WWC1: variants seen among roughly 807,000 people sequenced by gnomAD.
WWC1 encodes protein KIBRA.
WWC1 carries 55 observed loss-of-function variants against 138.4 expected under a neutral mutation model. The observed-to-expected ratio is 0.40, with a 90% CI of 0.32 to 0.50. The LOEUF (loss-of-function observed/expected upper bound fraction) is 0.50, where lower values mean the gene tolerates loss of function less well. Among genes scored for constraint, WWC1 ranks in the 20% least tolerant of loss-of-function variants. The pLI is 0.72. For missense variants in WWC1, 1,226 were observed against 1,420.4 expected, an observed-to-expected ratio of 0.86 and a Z score of 2.20; for synonymous variants, 524 against 564.9, an observed-to-expected ratio of 0.93 and a Z score of 1.03.
intron 15 of WWC1, among the ~76,000 whole-genome samples, chr5:168,432,718 C>A (rs1317371461): frequency 6.6e-6 from 1 of 152,088 alleles, no homozygotes; most frequent in African/African-American, 2.4e-5. Flanking sequence ...ACCAAACAGA[C>A]AAGGTGCCAG....
intron 16 of WWC1, among the ~76,000 whole-genome samples, chr5:168,442,066 C>T (rs1754821506): frequency 6.6e-6 from 1 of 152,196 alleles, no homozygotes; most frequent in South Asian, 2.1e-4. Flanking sequence ...CTTTGCCCTA[C>T]CTAATACCAC....
chr5:168,462,065 A>G (rs1474616710), intron 20 of WWC1, among the ~76,000 whole-genome samples: 2 of 132,704 alleles, frequency 1.5e-5, no homozygotes, highest in Non-Finnish European at 3.6e-5. Context: ...CAAAAAAAAA[A>G]AAGAAAGAAA....
intron 17 of WWC1, among the ~76,000 whole-genome samples, chr5:168,453,744 C>T (rs1047830901): frequency 1.3e-5 from 2 of 152,100 alleles, no homozygotes; most frequent in Non-Finnish European, 2.9e-5. Flanking sequence ...TGGGGTTTCA[C>T]CATGTTGGCC....
At chr5:168,332,786 G>C (rs967223230) in intron 1 of WWC1, among the ~76,000 whole-genome samples, 2 of 151,806 alleles carry the variant, frequency 1.3e-5, no homozygotes, top group Non-Finnish European at 2.9e-5. Context: ...TCAGCTCACT[G>C]TAACCTCTGC....
At chr5:168,407,086 C>A (rs1779856708) in intron 6 of WWC1, among the ~76,000 whole-genome samples, 1 of 152,188 alleles carries the variant, frequency 6.6e-6, no homozygotes, top group Non-Finnish European at 1.5e-5. Flanking sequence ...GCCAGCGCAC[C>A]TGGCCCCTGC....
chr5:168,421,218 C>T (rs1276711419), intron 9 of WWC1, among the ~76,000 whole-genome samples: 1 of 152,174 alleles, frequency 6.6e-6, no homozygotes, highest in Non-Finnish European at 1.5e-5. Flanking sequence ...GACACACACA[C>T]TTTTCTTAAC....
rs1329798936 is a variant in WWC1, at chr5:168,368,461, G to A, written c.120-2963G>A. On this transcript the variant is annotated intron_variant, in intron 1 of 22. Coordinates refer to ENST00000265293, the MANE Select transcript of WWC1 (RefSeq NM_015238.3). Reference sequence around the variant, plus strand: ...GAAACAGGGGAGCTGTTGGGAAGGGGACGTATCTTCTTGGTTTTCTGGGTT... The same window carrying A: ...GAAACAGGGGAGCTGTTGGGAAGGGAACGTATCTTCTTGGTTTTCTGGGTT... Among the ~76,000 whole-genome samples the A allele has an allele frequency of 3.7e-4, 57 of 152,190 alleles. 1 individual carries two copies. Among genetic ancestry groups the A allele is most frequent in the Admixed American group, 3.7e-3 (57 of 15,278 alleles).
intron 5 of WWC1, among the ~76,000 whole-genome samples, chr5:168,400,993 AAG>A (rs1003950471): frequency 1.1e-4 from 17 of 151,728 alleles, no homozygotes; most frequent in African/African-American, 2.9e-4. Flanking sequence ...CAAAGAAAGA[AAG>A]AAAAAAAGAA....
chr5:168,432,552 T>A (rs1218492898), intron 15 of WWC1, among the ~76,000 whole-genome samples: 1 of 152,198 alleles, frequency 6.6e-6, no homozygotes, highest in Non-Finnish European at 1.5e-5. Context: ...TGATGCCATT[T>A]AGTGTTAGAA....
chr5:168,465,620 C>A (rs1318340807), intron 21 of WWC1, among the ~76,000 whole-genome samples: 1 of 118,414 alleles, frequency 8.4e-6, no homozygotes, highest in African/African-American at 3.3e-5. Context: ...AGTGTGGTGG[C>A]ATGATGGCTC....
intron 9 of WWC1, 28 bp from the exon 10 acceptor site, chr5:168,421,980 A>T (rs770404197): frequency 3.1e-6 from 5 of 1,597,038 alleles, no homozygotes; most frequent in Non-Finnish European, 4.3e-6. Context: ...CTTTTGGTGC[A>T]TCCCTCGCAT....
chr5:168,292,077 G>T lies in WWC1; in HGVS notation c.-76G>T, dbSNP rs1023188154. On this transcript the variant is annotated 5_prime_UTR_variant, in exon 1 of 23. Coordinates refer to ENST00000265293, the MANE Select transcript of WWC1 (RefSeq NM_015238.3). This position sits in a 1 kb window ranked among gnomAD's most constrained non-coding sequence, Gnocchi z 4.4. The stretch of plus-strand genomic sequence containing the variant: ...GTGCCTCGGCGGCCGCCCGGGCTAA[G>T]AGCGGCCGGCTGGAGCCGCTGAGCC... 13 of 1,427,560 alleles carry T rather than the reference G, an allele frequency of 9.1e-6. No homozygotes were observed. In the African/African-American group the frequency reaches 2.0e-4, roughly 22 times the overall value. The allele number at this position is 1,427,560 out of a possible 1,614,324, so 88.4% of individuals were successfully genotyped here. A position where few individuals can be genotyped will look rare whatever the true frequency, so the allele number is the denominator to read the frequency against.
chr5:168,387,339 C>T (rs768085137), intron 3 of WWC1, among the ~76,000 whole-genome samples: 1 of 152,194 alleles, frequency 6.6e-6, no homozygotes, highest in Middle Eastern at 3.2e-3. Flanking sequence ...ACAAACCTTG[C>T]CAGGGTACTT....
chr5:168,453,137 A>T (rs1358796109), intron 17 of WWC1, among the ~76,000 whole-genome samples: 1 of 152,052 alleles, frequency 6.6e-6, no homozygotes, highest in Non-Finnish European at 1.5e-5. Context: ...AGGCAGGAGG[A>T]TCACTTGAGC....
At chr5:168,387,414 GA>G (rs1241470602) in intron 3 of WWC1, among the ~76,000 whole-genome samples, 1 of 152,206 alleles carries the variant, frequency 6.6e-6, no homozygotes, top group Non-Finnish European at 1.5e-5. Context: ...AGAGGTTATA[GA>G]AAAGAACTGT....
intron 1 of WWC1, among the ~76,000 whole-genome samples, chr5:168,365,375 G>T (rs1776208224): frequency 2.0e-5 from 3 of 152,144 alleles, no homozygotes; most frequent in Admixed American, 2.0e-4. Flanking sequence ...CATCCTGCTG[G>T]ACGGTAATAA....
At chr5:168,459,458 G>T (rs1035318286) in intron 19 of WWC1, among the ~76,000 whole-genome samples, 3 of 152,068 alleles carry the variant, frequency 2.0e-5, no homozygotes, top group Non-Finnish European at 4.4e-5. Flanking sequence ...CTTGAACTCT[G>T]GTTTTGATGC....
intron 9 of WWC1, chr5:168,415,814 GCGTGTGTGTGT>G (rs1780589289): frequency 2.4e-5 from 1 of 41,454 alleles, no homozygotes; most frequent in African/African-American, 9.4e-5. Flanking sequence ...GGGGGGGGGG[GCGTGTGTGTGT>G]GTGTGTGTGT....
intron 1 of WWC1, among the ~76,000 whole-genome samples, chr5:168,322,785 C>G (rs755134448): frequency 2.0e-5 from 3 of 152,190 alleles, no homozygotes; most frequent in Non-Finnish European, 4.4e-5. Flanking sequence ...GTATGCTTTT[C>G]TACCCCACCA....
Sources: allele counts gnomAD v4.1 joint callset (sites outside exome capture counted in the v4.1 genomes callset), GRCh38; gene constraint gnomAD v4.1.1; non-coding constraint Gnocchi (gnomAD v3.1); transcripts MANE v1.5; gene names NCBI Gene and HGNC (gene_info 2026-07-23, HGNC 2026-07-21).